Variants in EGF observed in about 807,000 individuals in gnomAD.
EGF encodes the protein epidermal growth factor.
A neutral mutation model predicts 143.8 loss-of-function variants in EGF; 95 were observed. That is an observed-to-expected ratio of 0.66 (90% CI 0.56 to 0.78). The LOEUF (loss-of-function observed/expected upper bound fraction) is 0.78, where lower values mean the gene tolerates loss of function less well. EGF is among the 30% of genes least tolerant of loss of function. The pLI, the probability that EGF is intolerant of heterozygous loss-of-function variation, is 0.00. For missense variants in EGF, 1,320 were observed against 1,470.9 expected (o/e 0.90, Z 1.68); for synonymous variants, 510 against 510.5 (o/e 1.00, Z 0.01).
intron 15 of EGF, among the ~76,000 whole-genome samples, chr4:109,982,314 T>G (rs1293580010): frequency 6.6e-6 from 1 of 151,102 alleles, no homozygotes; most frequent in East Asian, 1.9e-4. Context: ...CAGCCAATTT[T>G]TTTTTCTTTT....
chr4:109,956,710 G>A (rs2126045394), intron 5 of EGF, among the ~76,000 whole-genome samples: 1 of 152,160 alleles, frequency 6.6e-6, no homozygotes, highest in Non-Finnish European at 1.5e-5. Context: ...TAAAATTTTT[G>A]GAATCAATTA....
chr4:109,963,758 C>T (rs947373577), intron 9 of EGF, among the ~76,000 whole-genome samples: 2 of 152,114 alleles, frequency 1.3e-5, no homozygotes, highest in Admixed American at 1.3e-4. Flanking sequence ...TTGCATCCTT[C>T]AACAGCCATG....
intron 23 of EGF, among the ~76,000 whole-genome samples, chr4:110,009,462 C>G (rs1753730674): frequency 6.6e-6 from 1 of 152,144 alleles, no homozygotes; most frequent in Non-Finnish European, 1.5e-5. Flanking sequence ...ATTTTGCAAG[C>G]TAATAGCACA....
At chr4:109,933,096 C>A (rs571376563) in intron 1 of EGF, among the ~76,000 whole-genome samples, 6 of 152,354 alleles carry the variant, frequency 3.9e-5, no homozygotes, top group African/African-American at 1.4e-4. Context: ...TCTATAATTT[C>A]ATTTTTTTCC....
At chr4:110,002,783 C>T (rs11098060) in intron 21 of EGF, among the ~76,000 whole-genome samples, 34,707 of 151,912 alleles carry the variant, frequency 0.23, 7,351 homozygotes, top group African/African-American at 0.55. Flanking sequence ...CAGTACCCAA[C>T]GGTTATGTTT....
intron 1 of EGF, among the ~76,000 whole-genome samples, chr4:109,937,063 A>G (rs964266284): frequency 2.0e-5 from 3 of 151,920 alleles, no homozygotes; most frequent in African/African-American, 7.3e-5. Flanking sequence ...TGCTTGGTCC[A>G]GAGCTGAGTT....
rs2237046 is a variant in EGF at position 109,972,463 on chromosome 4, T to G, written c.1725-2240T>G. Among the ~76,000 whole-genome samples the G allele has an allele frequency of 0.021, 3,137 of 152,144 alleles. 236 individuals are homozygous for G. In the East Asian group the frequency reaches 0.24, roughly 12 times the overall value. ...TCTCTAAGATGATTAGAGATCATCA[T>G]GAGATCAGAAGTGACAGTTTCATCT... On this transcript the variant is annotated intron_variant, in intron 11 of 23. Transcript: ENST00000265171.
At chr4:110,001,875 T>C in intron 21 of EGF, 3 of 985,440 alleles carry the variant, frequency 3.0e-6, no homozygotes, top group Non-Finnish European at 3.6e-6. Flanking sequence ...GTACAATTCT[T>C]CCTGAGTGAA....
chr4:110,001,937 G>A (rs954498433), intron 21 of EGF: 7 of 985,252 alleles, frequency 7.1e-6, no homozygotes, highest in African/African-American at 7.0e-5. Flanking sequence ...TTACCTCTCC[G>A]CAAAGTTTCA....
intron 1 of EGF, among the ~76,000 whole-genome samples, chr4:109,928,095 T>C (rs903821604): frequency 8.5e-5 from 13 of 152,060 alleles, no homozygotes; most frequent in Non-Finnish European, 1.8e-4. Flanking sequence ...GATAGACACA[T>C]AAATTAATAG....
intron 1 of EGF, among the ~76,000 whole-genome samples, chr4:109,920,698 G>C (rs958697472): frequency 6.6e-6 from 1 of 151,660 alleles, no homozygotes; most frequent in Non-Finnish European, 1.5e-5. Context: ...GTGAGAATTA[G>C]AATTAACTTT....
chr4:109,960,220 C>A (rs2126055580), intron 6 of EGF, among the ~76,000 whole-genome samples: 1 of 152,230 alleles, frequency 6.6e-6, no homozygotes, highest in South Asian at 2.1e-4. Context: ...TTGAAGAGCA[C>A]AATAGGAAAT....
Position 109,960,862 on chromosome 4 carries a change from T to G in EGF, c.1067-5T>G. 1.2e-6 allele frequency: 2 copies of G among 1,613,904 alleles called. No individual in the cohort carries two copies. The highest frequency in any genetic ancestry group is 1.7e-6 in the Non-Finnish European group (2 of 1,179,846). On this transcript the variant is annotated splice_polypyrimidine_tract_variant and splice_region_variant and intron_variant, in intron 6 of 23. Coordinates refer to ENST00000265171, the MANE Select transcript of EGF (RefSeq NM_001963.6). ...TGAATGTATTGTGCTGTTGTCATTG[T>G]GCAGATGTTAATGAATGTGCTTTTT...
chr4:109,970,047 A>T (rs1014918576), intron 11 of EGF, among the ~76,000 whole-genome samples: 3 of 152,122 alleles, frequency 2.0e-5, no homozygotes, highest in Admixed American at 2.0e-4. Flanking sequence ...AAAGTGCATG[A>T]GATAAGAGAG....
chr4:109,961,906 CTG>C lies in EGF; in HGVS notation c.1237_1238del (p.Val413SerfsTer12). 1 of 1,613,960 alleles carries C rather than the reference CTG, an allele frequency of 6.2e-7. No homozygotes were observed. ...PRNVSECSHD[C>X]VLTSEGPLCF... ...GCAATGTGTCTGAATGCAGCCATGA[CTG>C]TGTTCTGACATCAGAAGGTCCCTTA... On this transcript the variant is annotated frameshift_variant, in exon 8 of 24. Transcript: ENST00000265171. LOFTEE classifies it high-confidence loss of function.
At chr4:109,967,687 G>A (rs1339180600) in intron 10 of EGF, among the ~76,000 whole-genome samples, 2 of 152,130 alleles carry the variant, frequency 1.3e-5, no homozygotes, top group Non-Finnish European at 2.9e-5. Flanking sequence ...ATACTAGACT[G>A]TAAAAGAACT....
At chr4:109,922,879 A>T (rs1738032033) in intron 1 of EGF, among the ~76,000 whole-genome samples, 1 of 151,636 alleles carries the variant, frequency 6.6e-6, no homozygotes, top group African/African-American at 2.4e-5. Flanking sequence ...AGTTATCAGC[A>T]AATATTGGCT....
chr4:109,973,686 C>G (rs1748030291), intron 11 of EGF, among the ~76,000 whole-genome samples: 1 of 152,006 alleles, frequency 6.6e-6, no homozygotes, highest in Non-Finnish European at 1.5e-5. Context: ...CCTCCCACCT[C>G]TGCCTCTCTC....
At chr4:109,967,800 C>T (rs1040580080) in intron 10 of EGF, among the ~76,000 whole-genome samples, 1 of 152,126 alleles carries the variant, frequency 6.6e-6, no homozygotes, top group African/African-American at 2.4e-5. Flanking sequence ...AGGCTACAAA[C>T]CTGTGCGGAT....
Sources: allele counts gnomAD v4.1 joint callset (sites outside exome capture counted in the v4.1 genomes callset), GRCh38; gene constraint gnomAD v4.1.1; transcripts MANE v1.5; gene names NCBI Gene and HGNC (gene_info 2026-07-23, HGNC 2026-07-21).